The following PPFIA1 variants were observed in gnomAD, a reference collection of about 807,000 sequenced individuals.
PPFIA1 encodes the protein liprin-alpha-1.
PPFIA1 carries 25 observed loss-of-function variants against 149.9 expected under a neutral mutation model. The observed-to-expected ratio is 0.17, with a 90% CI of 0.12 to 0.23. The LOEUF (loss-of-function observed/expected upper bound fraction) is 0.23. PPFIA1 is among the 10% of genes least tolerant of loss of function. PPFIA1 has a pLI of 1.00. For missense variants in PPFIA1, 1,362 were observed against 1,506.5 expected (o/e 0.90, Z 1.59); for synonymous variants, 549 against 552.8 (o/e 0.99, Z 0.10).
At chr11:70,285,675 G>T (rs1279837472) in intron 2 of PPFIA1, among the ~76,000 whole-genome samples, 1 of 137,222 alleles carries the variant, frequency 7.3e-6, no homozygotes, top group Non-Finnish European at 1.5e-5. Context: ...GTGAGACTCT[G>T]TCTCAAAAAA....
chr11:70,371,506 G>A, intron 21 of PPFIA1: 1 of 159,008 alleles, frequency 6.3e-6, no homozygotes. Flanking sequence ...TTGTTGGGTG[G>A]CGTGTTCTAC....
chr11:70,278,999 G>A, intron 2 of PPFIA1: 1 of 560,890 alleles, frequency 1.8e-6, no homozygotes, highest in Non-Finnish European at 3.4e-6. Flanking sequence ...TAGACTTGAA[G>A]AGAGAGCCCA....
intron 2 of PPFIA1, among the ~76,000 whole-genome samples, chr11:70,305,614 G>A (rs534926013): frequency 3.3e-4 from 51 of 152,262 alleles, no homozygotes; most frequent in Admixed American, 1.5e-3. Flanking sequence ...CAAGCAGTCT[G>A]CCTGCCTCAG....
chr11:70,274,821 C>T (rs1484656585), intron 2 of PPFIA1, among the ~76,000 whole-genome samples: 1 of 151,890 alleles, frequency 6.6e-6, no homozygotes, highest in African/African-American at 2.4e-5. Flanking sequence ...CAGGTTGAAG[C>T]GATTCTCCTG....
chr11:70,335,393 C>G (rs541934705), intron 10 of PPFIA1, among the ~76,000 whole-genome samples, 170 bp from the exon 11 acceptor site: 2 of 152,142 alleles, frequency 1.3e-5, no homozygotes, highest in Non-Finnish European at 2.9e-5. Flanking sequence ...CTCCCTGTGT[C>G]CATGAGTTGG....
chr11:70,272,416 C>T lies in PPFIA1; in HGVS notation c.244C>T (p.Leu82Phe). 6.2e-7 allele frequency: 1 copy of T among 1,613,294 alleles called. No homozygotes were observed. The highest frequency in any genetic ancestry group is 2.2e-5 in the East Asian group (1 of 44,868). ...GHERDSLQRQ[L>F]NTALPQEFAA... Reference sequence around the variant, plus strand: ...TGAAAGAGATTCCTTGCAGAGACAGCTCAACACGGCACTTCCACAGGTATG... The same window carrying T: ...TGAAAGAGATTCCTTGCAGAGACAGTTCAACACGGCACTTCCACAGGTATG... Residue 82 changes from leucine to phenylalanine, a missense_variant, in exon 2 of 28, where the codon CTC becomes TTC. This residue lies in a region of PPFIA1 where 100 missense variants were observed against 106.2 expected (regional missense o/e 0.94). Transcript: ENST00000253925.
intron 15 of PPFIA1, among the ~76,000 whole-genome samples, chr11:70,345,615 T>C (rs1361931290): frequency 6.6e-6 from 1 of 151,916 alleles, no homozygotes; most frequent in Non-Finnish European, 1.5e-5. Context: ...GAGCCAGGGC[T>C]GTGTTCAGAC....
chr11:70,355,043 T>C (rs557463265), intron 17 of PPFIA1, among the ~76,000 whole-genome samples: 1 of 152,238 alleles, frequency 6.6e-6, no homozygotes, highest in Non-Finnish European at 1.5e-5. Flanking sequence ...TAGCTGGAAC[T>C]ACAGGCGCAC....
At position 70,333,886 on chromosome 11, in the gene PPFIA1, C is replaced by T. The variant is rs193238421; in HGVS notation, c.1296+333C>T. On this transcript the variant is annotated intron_variant, in intron 10 of 27. Transcript: ENST00000253925. ...GTGGTACCGGCGTGGCCCCCCTACC[C>T]CCTGCAAATGTAGAGGCAGGTCCAT... Among the ~76,000 whole-genome samples the T allele has an allele frequency of 9.2e-5, 14 of 152,262 alleles. No individual in the cohort carries two copies. The East Asian group carries it at 2.7e-3, about 29-fold the overall frequency.
At chr11:70,369,379 G>A (rs1269528408) in intron 21 of PPFIA1, among the ~76,000 whole-genome samples, 1 of 152,050 alleles carries the variant, frequency 6.6e-6, no homozygotes, top group South Asian at 2.1e-4. Context: ...TTGTTGACTT[G>A]GCAATATTTT....
At chr11:70,378,412 G>C in intron 26 of PPFIA1, 1 of 1,279,052 alleles carries the variant, frequency 7.8e-7, no homozygotes, top group East Asian at 3.1e-5. Flanking sequence ...TTGTCTGGTT[G>C]AATCTTAGCA....
At chr11:70,365,583 G>A in intron 21 of PPFIA1, 2 of 363,688 alleles carry the variant, frequency 5.5e-6, no homozygotes, top group Admixed American at 7.4e-5. Context: ...GTTGAAATGT[G>A]TAAGTAGAAT....
Position 70,382,114 on chromosome 11 carries a change from G to T in PPFIA1, c.3577G>T (p.Asp1193Tyr), listed in dbSNP as rs2135502175. The change falls in exon 27 of 28, where the codon GAT becomes TAT. Residue 1193 changes from aspartate to tyrosine, a missense_variant. By Grantham distance (160) the Asp-to-Tyr change is radical. Transcript: ENST00000253925. ...DGNVSGTQRL[D>Y]SATVRTYSC ...CAATGTATCAGGAACACAGAGGTTG[G>T]ATTCTGCTACAGTCAGGACTTACTC... 1 of 1,614,074 alleles carries T rather than the reference G, an allele frequency of 6.2e-7. No individual in the cohort carries two copies. The highest frequency in any genetic ancestry group is 2.2e-5 in the East Asian group (1 of 44,878).
intron 2 of PPFIA1, among the ~76,000 whole-genome samples, chr11:70,288,940 C>G (rs565378926): frequency 6.6e-6 from 1 of 151,278 alleles, no homozygotes; most frequent in East Asian, 1.9e-4. Context: ...CTGGGTGTGG[C>G]CACTGTCACG....
chr11:70,292,987 G>A (rs2051638074), intron 2 of PPFIA1, among the ~76,000 whole-genome samples: 1 of 152,158 alleles, frequency 6.6e-6, no homozygotes, highest in Admixed American at 6.5e-5. Flanking sequence ...AGCATCCGGG[G>A]CAGCTGCTTG....
chr11:70,273,751 A>G (rs2050230950), intron 2 of PPFIA1, among the ~76,000 whole-genome samples: 4 of 152,204 alleles, frequency 2.6e-5, no homozygotes, highest in African/African-American at 4.8e-5. Flanking sequence ...AATCTTATAA[A>G]TTACCAAGTT....
At chr11:70,302,918 A>G (rs2052584294) in intron 2 of PPFIA1, among the ~76,000 whole-genome samples, 1 of 152,072 alleles carries the variant, frequency 6.6e-6, no homozygotes, top group Admixed American at 6.6e-5. Context: ...AGAAATCCCT[A>G]ATAAGGCGTC....
At chr11:70,348,918 C>G (rs1334274925) in intron 16 of PPFIA1, among the ~76,000 whole-genome samples, 2 of 152,022 alleles carry the variant, frequency 1.3e-5, no homozygotes, top group Non-Finnish European at 2.9e-5. Context: ...ATTTGGATGA[C>G]CAGGCTAGCA....
chr11:70,351,044 A>G (rs1281810554), intron 16 of PPFIA1: 2 of 1,202,882 alleles, frequency 1.7e-6, no homozygotes, highest in South Asian at 2.7e-5. Context: ...TAGTAATTTA[A>G]CATATCTTTG....
Sources: gnomAD v4.1 joint callset for allele counts (sites outside exome capture counted in the v4.1 genomes callset) on GRCh38, gnomAD v4.1.1 for gene constraint, gnomAD v4.1.1 regional missense constraint, MANE v1.5 for transcripts, NCBI Gene and HGNC (gene_info 2026-07-23, HGNC 2026-07-21) for gene names.